The following ROBO1 variants were observed in gnomAD, a reference collection of about 807,000 sequenced individuals.
The protein encoded by ROBO1 is roundabout guidance receptor 1.
In ROBO1, 149 loss-of-function variants were observed where a neutral mutation model predicts 195.9. The ratio of observed to expected loss-of-function variants is 0.76; its 90% CI spans 0.67 to 0.87. The LOEUF (loss-of-function observed/expected upper bound fraction) is 0.87, where lower values mean the gene tolerates loss of function less well. Ranked by LOEUF, ROBO1 falls within the 40% of genes least tolerant of loss-of-function variation. ROBO1 has a pLI of 0.00. For missense variants in ROBO1, 1,933 were observed against 2,068.3 expected, an observed-to-expected ratio of 0.93 and a Z score of 1.27; for synonymous variants, 816 against 733.2, an observed-to-expected ratio of 1.11 and a Z score of -1.82.
In ROBO1 at chr3:78,598,732, C is replaced by A; in HGVS notation, c.*181G>T. On this transcript the variant is annotated 3_prime_UTR_variant, in exon 31 of 31. Coordinates refer to ENST00000464233, the MANE Select transcript of ROBO1 (RefSeq NM_002941.4). ...GAAGGCTCTTTGTAGGGTTAGGGATCAAACAACAACAATAAAAACCCAATA... is the reference window on the plus strand; with the variant it reads ...GAAGGCTCTTTGTAGGGTTAGGGATAAAACAACAACAATAAAAACCCAATA... 2.3e-6 allele frequency: 1 copy of A among 427,716 alleles called. No individual in the cohort carries two copies. The allele number at this position is 427,716 out of a possible 1,614,324, so 26.5% of individuals were successfully genotyped here.
chr3:79,128,370 G>A (rs1052918581), intron 2 of ROBO1, among the ~76,000 whole-genome samples: 2 of 152,066 alleles, frequency 1.3e-5, no homozygotes, highest in Non-Finnish European at 1.5e-5. Context: ...CAGGTATTCT[G>A]TCTGCTTCTC....
chr3:78,686,333 G>C (rs867008792), intron 9 of ROBO1, among the ~76,000 whole-genome samples: 3 of 152,132 alleles, frequency 2.0e-5, no homozygotes, highest in South Asian at 4.2e-4. Flanking sequence ...GAGGCAGGCG[G>C]ATCACGAGGT....
rs1267381733 is a variant in ROBO1, at chr3:78,597,860, G to A, written c.*1053C>T. On this transcript the variant is annotated 3_prime_UTR_variant, in exon 31 of 31. Transcript: ENST00000464233. Reference sequence around the variant, plus strand: ...AGCATTAACAAAACAGGTTAAAAACGCTTCTCAACATTTTTTTTTTCAATA... The same window carrying A: ...AGCATTAACAAAACAGGTTAAAAACACTTCTCAACATTTTTTTTTTCAATA... 4.8e-5 allele frequency: 7 copies of A among 146,342 alleles called. No homozygotes were observed. The South Asian group carries it at 1.1e-3, about 22-fold the overall frequency. 9.1% of individuals were successfully genotyped at this position (146,342 alleles called of 1,614,324 possible).
intron 1 of ROBO1, among the ~76,000 whole-genome samples, chr3:79,662,112 C>T (rs780459975): frequency 7.9e-5 from 12 of 151,982 alleles, no homozygotes; most frequent in African/African-American, 1.2e-4. Flanking sequence ...GTGAAATAAC[C>T]GTGGCTGCTA....
chr3:78,701,795 A>T lies in ROBO1; in HGVS notation c.1045+12602T>A, dbSNP rs538002402. ...CTAATAACATCGACCACACAAAATA[A>T]ATGTCCTAAAGCTAACTTTAACAAC... is the stretch of plus-strand genomic sequence containing the variant. On this transcript the variant is annotated intron_variant, in intron 8 of 30. Transcript: ENST00000464233. Among the ~76,000 whole-genome samples the T allele has an allele frequency of 2.6e-5, 4 of 152,252 alleles. No homozygotes were observed. In the South Asian group the frequency reaches 8.3e-4, roughly 32 times the overall value.
intron 8 of ROBO1, among the ~76,000 whole-genome samples, chr3:78,706,844 A>C (rs1299763740): frequency 6.6e-6 from 1 of 152,206 alleles, no homozygotes; most frequent in Non-Finnish European, 1.5e-5. Flanking sequence ...TGACTGATTA[A>C]GAGTGAGATA....
intron 17 of ROBO1, 44 bp downstream of exon 17, chr3:78,659,642 G>C (rs1707255845): frequency 7.7e-7 from 1 of 1,306,312 alleles, no homozygotes; most frequent in Non-Finnish European, 9.9e-7. Context: ...AATGGTGGGG[G>C]CTGCCCATCA....
chr3:79,619,315 G>C (rs1430967385), intron 1 of ROBO1, among the ~76,000 whole-genome samples: 4 of 151,948 alleles, frequency 2.6e-5, no homozygotes, highest in Non-Finnish European at 4.4e-5. Flanking sequence ...CCCTCACTAT[G>C]GGCAATCTTC....
At chr3:79,271,100 G>C (rs540283427) in intron 2 of ROBO1, among the ~76,000 whole-genome samples, 31 of 151,846 alleles carry the variant, frequency 2.0e-4, no homozygotes, top group Non-Finnish European at 2.8e-4. Context: ...TTATTTAATG[G>C]AGGTAGAAAA....
rs1703530489 is a variant in ROBO1, at chr3:78,607,387, GT to G, written c.4436-347del. The stretch of plus-strand genomic sequence containing the variant: ...ACCACCACACCTGGCTACGTTTTGT[GT>G]TTTTTGTAGAGATGGGGTTTTGCCA... On this transcript the variant is annotated intron_variant, in intron 28 of 30. Transcript: ENST00000464233. The G allele has an allele frequency of 5.8e-5, 12 of 208,078 alleles. No individual in the cohort carries two copies. The South Asian group carries it at 1.0e-3, about 17-fold the overall frequency. The allele number at this position is 208,078 out of a possible 1,614,324, so 12.9% of individuals were successfully genotyped here.
At chr3:78,906,018 T>C (rs1463314004) in intron 4 of ROBO1, among the ~76,000 whole-genome samples, 1 of 152,152 alleles carries the variant, frequency 6.6e-6, no homozygotes, top group African/African-American at 2.4e-5. Context: ...ATAACTCTAA[T>C]AAAAGTCTAA....
intron 2 of ROBO1, among the ~76,000 whole-genome samples, chr3:79,426,113 T>C (rs1017401115): frequency 1.3e-5 from 2 of 152,110 alleles, no homozygotes; most frequent in African/African-American, 4.8e-5. Flanking sequence ...GATACACGTG[T>C]GTTACATAAG....
intron 3 of ROBO1, among the ~76,000 whole-genome samples, chr3:79,026,800 A>G (rs1436780994): frequency 6.6e-6 from 1 of 152,082 alleles, no homozygotes; most frequent in African/African-American, 2.4e-5. Flanking sequence ...GACACCCTCC[A>G]TAGCCTTACA....
chr3:79,110,621 CTTTT>C (rs397877079), intron 3 of ROBO1, among the ~76,000 whole-genome samples: 3 of 127,898 alleles, frequency 2.3e-5, no homozygotes, highest in Admixed American at 8.1e-5. Context: ...AGGGAAATAA[CTTTT>C]TTTTTTTTTT....
intron 2 of ROBO1, among the ~76,000 whole-genome samples, chr3:79,575,273 AAT>A (rs1171514921): frequency 7.9e-4 from 99 of 124,758 alleles, no homozygotes; most frequent in East Asian, 2.8e-3. Context: ...ATATATAACA[AAT>A]ATATATATAA....
chr3:79,683,318 TA>T (rs1278264722), intron 1 of ROBO1, among the ~76,000 whole-genome samples: 1 of 152,042 alleles, frequency 6.6e-6, no homozygotes, highest in Non-Finnish European at 1.5e-5. Flanking sequence ...TATATAACTC[TA>T]AACATGTGTT....
intron 1 of ROBO1, among the ~76,000 whole-genome samples, chr3:79,628,376 C>T (rs1945242249): frequency 6.6e-6 from 1 of 152,074 alleles, no homozygotes; most frequent in African/African-American, 2.4e-5. Flanking sequence ...AGCAGACTAA[C>T]ACAGCAACAG....
At chr3:79,412,606 T>C (rs1447486033) in intron 2 of ROBO1, among the ~76,000 whole-genome samples, 1 of 152,074 alleles carries the variant, frequency 6.6e-6, no homozygotes, top group Non-Finnish European at 1.5e-5. Flanking sequence ...TGCTAAGACA[T>C]GATAAAAATG....
At chr3:79,493,718 G>T (rs967047016) in intron 2 of ROBO1, among the ~76,000 whole-genome samples, 4 of 151,606 alleles carry the variant, frequency 2.6e-5, no homozygotes, top group African/African-American at 9.7e-5. Context: ...ATTTTTATGG[G>T]TACACATTAA....
Sources: gnomAD v4.1 joint callset for allele counts (sites outside exome capture counted in the v4.1 genomes callset) on GRCh38, gnomAD v4.1.1 for gene constraint, MANE v1.5 for transcripts, NCBI Gene and HGNC (gene_info 2026-07-23, HGNC 2026-07-21) for gene names.